Variants in RTTN observed in about 807,000 individuals in gnomAD.
RTTN encodes rotatin.
RTTN carries 182 observed loss-of-function variants against 269.2 expected under a neutral mutation model. The observed-to-expected ratio is 0.68, with a 90% CI of 0.60 to 0.76. The LOEUF is 0.76. Ranked by LOEUF, RTTN falls within the 30% of genes least tolerant of loss-of-function variation. The probability of loss-of-function intolerance (pLI) is 0.00; values close to 1 mark genes in which losing one functional copy is unlikely to be tolerated. For synonymous variants in RTTN, 1,006 were observed against 963.5 expected (o/e 1.04, Z -0.82); for missense variants, 2,545 against 2,608.6 (o/e 0.98, Z 0.53).
chr18:70,103,014 G>A (rs8088547), intron 28 of RTTN, among the ~76,000 whole-genome samples: 117,626 of 144,218 alleles, frequency 0.82, 51,088 homozygotes, highest in East Asian at 0.99. Flanking sequence ...CAGGCGCCCC[G>A]TCTGGGAAGT....
At chr18:70,077,222 TAC>T (rs1222858896) in intron 32 of RTTN, among the ~76,000 whole-genome samples, 1 of 151,958 alleles carries the variant, frequency 6.6e-6, no homozygotes, top group African/African-American at 2.4e-5. Flanking sequence ...TATTTTGCCA[TAC>T]AGATTATATA....
chr18:70,149,886 AC>A, intron 16 of RTTN, 84 bp downstream of exon 16: 1 of 929,494 alleles, frequency 1.1e-6, no homozygotes, highest in South Asian at 1.3e-5. Flanking sequence ...TCACAACTTG[AC>A]AGTTTAGCTG....
chr18:70,094,681 G>C (rs1341802282), intron 28 of RTTN, among the ~76,000 whole-genome samples: 2 of 152,086 alleles, frequency 1.3e-5, no homozygotes, highest in Non-Finnish European at 2.9e-5. Flanking sequence ...TTTTGAGTTT[G>C]CTGAGGAGTG....
rs2056583103 is a variant in RTTN, at chr18:70,017,713, T to G, written c.6154-39A>C. The G allele has an allele frequency of 2.0e-6, 3 of 1,524,688 alleles. No homozygotes were observed. The South Asian group carries it at 3.8e-5, about 20-fold the overall frequency. The allele number at this position is 1,524,688 out of a possible 1,614,324, so 94.4% of individuals were successfully genotyped here. ...GAGAGAATATTATTTTCTTCTCATCTTTTTCATTATTTTCCTAGTCCCTTG... is the reference window on the plus strand; with the variant it reads ...GAGAGAATATTATTTTCTTCTCATCGTTTTCATTATTTTCCTAGTCCCTTG... On this transcript the variant is annotated intron_variant, in intron 45 of 48. Coordinates refer to ENST00000640769, the MANE Select transcript of RTTN (RefSeq NM_173630.4).
rs765307621 is a variant in RTTN, at chr18:70,017,516, T to A, written c.6312A>T (p.Leu2104Phe). 9.3e-6 allele frequency: 15 copies of A among 1,614,076 alleles called. No individual in the cohort carries two copies. The highest frequency in any genetic ancestry group is 1.0e-5 in the Non-Finnish European group (12 of 1,179,978). ...GCTTGTATTTGCTCATCTCTGTTAG[T>A]AAGTCTAGACAGCCATCAAGCCTCA... The part of the protein sequence containing the change: ...MILRLDGCLD[L>F]LTEMSKYKHK... Residue 2104 changes from leucine to phenylalanine, a missense_variant, in exon 46 of 49, where the codon TTA becomes TTT. Coordinates refer to ENST00000640769, the MANE Select transcript of RTTN (RefSeq NM_173630.4).
intron 7 of RTTN, among the ~76,000 whole-genome samples, chr18:70,195,008 C>A (rs1018605162): frequency 6.6e-6 from 1 of 152,108 alleles, no homozygotes; most frequent in Non-Finnish European, 1.5e-5. Context: ...CATTTACAGT[C>A]AGAGAGAGGG....
rs1486476545 is a variant in RTTN at position 70,121,669 on chromosome 18, C to A, written c.3415G>T (p.Asp1139Tyr). Residue 1139 changes from aspartate to tyrosine, a missense_variant, in exon 26 of 49, where the codon GAT becomes TAT. Coordinates refer to ENST00000640769, the MANE Select transcript of RTTN (RefSeq NM_173630.4). ...FLQVLPACTE[D>Y]EKLLIDIIHF... ...ATGATATCTATTAGCAGTTTCTCATCTTCAGTGCAAGCAGGAAGCACCTGT... is the reference window on the plus strand; with the variant it reads ...ATGATATCTATTAGCAGTTTCTCATATTCAGTGCAAGCAGGAAGCACCTGT... 1 of 1,564,120 alleles carries A rather than the reference C, an allele frequency of 6.4e-7. No homozygotes were observed. Among genetic ancestry groups the A allele is most frequent in the East Asian group, 2.4e-5 (1 of 42,296 alleles).
At chr18:70,130,176 A>T (rs2059963250) in intron 23 of RTTN, 1 of 151,986 alleles carries the variant, frequency 6.6e-6, no homozygotes, top group Non-Finnish European at 1.5e-5. Context: ...ACACACTGTT[A>T]GTGGGAATGT....
At chr18:70,091,373 A>T (rs2145229547) in intron 30 of RTTN, among the ~76,000 whole-genome samples, 1 of 152,128 alleles carries the variant, frequency 6.6e-6, no homozygotes, top group Middle Eastern at 3.4e-3. Context: ...GTTTAAAGAG[A>T]TCATAAGGGA....
chr18:70,114,383 A>C, intron 27 of RTTN, 62 bp downstream of exon 27: 1 of 1,472,750 alleles, frequency 6.8e-7, no homozygotes, highest in South Asian at 1.3e-5. Context: ...AAAACTTTGA[A>C]AATCAAAGAA....
chr18:70,188,830 C>A (rs1308583804), intron 9 of RTTN, among the ~76,000 whole-genome samples: 1 of 151,684 alleles, frequency 6.6e-6, no homozygotes, highest in African/African-American at 2.4e-5. Context: ...CTTCCATTAT[C>A]CTGTGTGAGA....
intron 34 of RTTN, among the ~76,000 whole-genome samples, chr18:70,071,562 A>G (rs1288710006): frequency 3.3e-5 from 5 of 151,988 alleles, no homozygotes; most frequent in African/African-American, 1.2e-4. Context: ...GCATCCTCCT[A>G]CCCCAGAGGA....
chr18:70,142,810 C>A (rs2060291767), intron 18 of RTTN, among the ~76,000 whole-genome samples: 1 of 152,092 alleles, frequency 6.6e-6, no homozygotes, highest in South Asian at 2.1e-4. Context: ...ATGGTGAAAC[C>A]CCATCTCTAC....
intron 30 of RTTN, among the ~76,000 whole-genome samples, chr18:70,088,417 T>C (rs1417652603): frequency 6.6e-6 from 1 of 152,226 alleles, no homozygotes; most frequent in Non-Finnish European, 1.5e-5. Context: ...CAAGCCTTTT[T>C]CTAAGGAAAG....
intron 45 of RTTN, among the ~76,000 whole-genome samples, chr18:70,018,410 G>T (rs1165380315): frequency 6.6e-6 from 1 of 152,184 alleles, no homozygotes; most frequent in African/African-American, 2.4e-5. Flanking sequence ...GCCCATGGCA[G>T]CATGGAAACC....
rs148352059 is a variant in RTTN at position 70,023,128 on chromosome 18, G to A, written c.5950+1594C>T. Among the ~76,000 whole-genome samples the A allele has an allele frequency of 7.2e-5, 11 of 152,136 alleles. 1 individual carries two copies. The highest frequency in any genetic ancestry group is 1.9e-4 in the African/African-American group (8 of 41,520). ...GCCCTCAGCCCACTCATTCTGGGTCGTTTGAGACAGCCCTAAGTAGCAAGG... is the reference window on the plus strand; with the variant it reads ...GCCCTCAGCCCACTCATTCTGGGTCATTTGAGACAGCCCTAAGTAGCAAGG... On this transcript the variant is annotated intron_variant, in intron 44 of 48. Transcript: ENST00000640769.
intron 11 of RTTN, among the ~76,000 whole-genome samples, chr18:70,173,178 T>C (rs2061188398): frequency 6.6e-6 from 1 of 152,150 alleles, no homozygotes; most frequent in Admixed American, 6.5e-5. Context: ...GATAATACAT[T>C]GTGTATATAA....
At chr18:70,145,591 A>G in intron 18 of RTTN, 21 bp downstream of exon 18, 1 of 1,555,322 alleles carries the variant, frequency 6.4e-7, no homozygotes. Context: ...ACACAGTAAT[A>G]AACTCAAAAT....
At chr18:70,099,061 G>T (rs963222877) in intron 28 of RTTN, among the ~76,000 whole-genome samples, 1 of 151,548 alleles carries the variant, frequency 6.6e-6, no homozygotes, top group Non-Finnish European at 1.5e-5. Context: ...ATTTGGGCTA[G>T]TTCCATGAAT....
Sources: allele counts gnomAD v4.1 joint callset (sites outside exome capture counted in the v4.1 genomes callset), GRCh38; gene constraint gnomAD v4.1.1; transcripts MANE v1.5; gene names NCBI Gene and HGNC (gene_info 2026-07-23, HGNC 2026-07-21).